UBE2E1: variants seen among roughly 807,000 people sequenced by gnomAD.
UBE2E1 encodes the protein ubiquitin conjugating enzyme E2 E1, also known as ubiquitin-conjugating enzyme E2 E1.
A neutral mutation model predicts 21.4 loss-of-function variants in UBE2E1; 6 were observed. The ratio of observed to expected loss-of-function variants is 0.28; its 90% CI spans 0.15 to 0.55. UBE2E1 has a LOEUF of 0.55. UBE2E1 is among the 20% of genes least tolerant of loss of function. The probability of loss-of-function intolerance (pLI) is 0.93; values close to 1 mark genes in which losing one functional copy is unlikely to be tolerated. For missense variants in UBE2E1, 142 were observed against 236.5 expected (o/e 0.60, Z 2.62); for synonymous variants, 87 against 82.7 (o/e 1.05, Z -0.28).
At chr3:23,811,133 G>T in intron 2 of UBE2E1, 1 of 375,534 alleles carries the variant, frequency 2.7e-6, no homozygotes. Flanking sequence ...GCAGGGGAGG[G>T]ACTGAGGAAA....
intron 3 of UBE2E1, among the ~76,000 whole-genome samples, chr3:23,843,138 T>C (rs1331994074): frequency 6.6e-6 from 1 of 152,040 alleles, no homozygotes; most frequent in East Asian, 1.9e-4. Flanking sequence ...AAATGGACTT[T>C]CTTTGGGAAG....
rs556053517 is a variant in UBE2E1, at chr3:23,849,692, C to T, written c.204-37875C>T. Reference sequence around the variant, plus strand: ...TTGCTGCAAATAACATGAACTGATTCTTTTTTATGGCTGCATAGTATTCCA... The same window carrying T: ...TTGCTGCAAATAACATGAACTGATTTTTTTTTATGGCTGCATAGTATTCCA... On this transcript the variant is annotated intron_variant, in intron 3 of 5. Transcript: ENST00000306627. 2.1e-4 allele frequency among the ~76,000 whole-genome samples: 32 copies of T among 152,264 alleles called. No homozygotes were observed. The South Asian group carries it at 6.4e-3, about 31-fold the overall frequency.
intron 3 of UBE2E1, among the ~76,000 whole-genome samples, chr3:23,845,613 G>GTGTGTGTGTGTA (rs1413363695): frequency 3.3e-5 from 5 of 150,944 alleles, no homozygotes; most frequent in African/African-American, 9.7e-5. Flanking sequence ...GTGTGTGTGT[G>GTGTGTGTGTGTA]TGTATGTGTG....
In UBE2E1 at chr3:23,890,677, A is replaced by AAT; in HGVS notation, c.*71_*72insAT. On this transcript the variant is annotated 3_prime_UTR_variant, in exon 6 of 6. Transcript: ENST00000306627. ...AGCTGCTTATGATTTTGAAGGGGTC[A>AAT]GGGAGGGTGGGAGTTGGTAAAGAGT... is the stretch of plus-strand genomic sequence containing the variant. 1.5e-6 allele frequency: 1 copy of AAT among 648,466 alleles called. No homozygotes were observed. The highest frequency in any genetic ancestry group is 2.6e-6 in the Non-Finnish European group (1 of 386,370). 40.2% of individuals were successfully genotyped at this position (648,466 alleles called of 1,614,324 possible).
intron 5 of UBE2E1, 75 bp from the exon 6 acceptor site, chr3:23,890,434 C>T: frequency 7.0e-7 from 1 of 1,429,564 alleles, no homozygotes; most frequent in Admixed American, 1.9e-5. Flanking sequence ...CGTATCTACC[C>T]AAGCTGTCAC....
At position 23,811,453 on chromosome 3, in the gene UBE2E1, A is replaced by T. The variant is rs897700625; in HGVS notation, c.153-7A>T. On this transcript the variant is annotated splice_region_variant and splice_polypyrimidine_tract_variant and intron_variant, in intron 2 of 5. Transcript: ENST00000306627. Reference sequence around the variant, plus strand: ...TGTGTTTGTCTTTCCCATTTCTCCCACTCCAGAATTCAGAAGGAGCTGGCG... The same window carrying T: ...TGTGTTTGTCTTTCCCATTTCTCCCTCTCCAGAATTCAGAAGGAGCTGGCG... The T allele has an allele frequency of 6.2e-7, 1 of 1,613,324 alleles. No individual in the cohort carries two copies. The highest frequency in any genetic ancestry group is 1.7e-5 in the Admixed American group (1 of 59,958).
chr3:23,817,292 C>T (rs953357421), intron 3 of UBE2E1, among the ~76,000 whole-genome samples: 4 of 151,832 alleles, frequency 2.6e-5, no homozygotes, highest in East Asian at 3.9e-4. Context: ...CGTGGTGACG[C>T]GCGCCCGTAA....
In UBE2E1 at chr3:23,887,811, A is replaced by C. The variant is rs1701221970; in HGVS notation, c.336+112A>C. The C allele has an allele frequency of 2.2e-6, 3 of 1,372,078 alleles. No homozygotes were observed. The highest frequency in any genetic ancestry group is 5.2e-5 in the Admixed American group (2 of 38,562). The allele number at this position is 1,372,078 out of a possible 1,614,324, so 85.0% of individuals were successfully genotyped here. ...AGAAACTAGATTTATCTTATGTCCT[A>C]ATAGATCTGAGTATTTTAACATATA... On this transcript the variant is annotated intron_variant, in intron 4 of 5. Transcript: ENST00000306627. The surrounding 1 kb of genome is among the most constrained non-coding windows in gnomAD (Gnocchi z 4.4).
intron 3 of UBE2E1, among the ~76,000 whole-genome samples, chr3:23,819,346 A>C (rs1699596271): frequency 6.6e-6 from 1 of 152,206 alleles, no homozygotes; most frequent in Non-Finnish European, 1.5e-5. Context: ...TTTATAACAT[A>C]ATTGTAGAGA....
At chr3:23,872,120 C>T (rs1270727718) in intron 3 of UBE2E1, among the ~76,000 whole-genome samples, 1 of 152,174 alleles carries the variant, frequency 6.6e-6, no homozygotes, top group Non-Finnish European at 1.5e-5. Flanking sequence ...TCTGCAATCC[C>T]GGCACCTCGG....
chr3:23,885,881 AAAAC>A (rs986390779), intron 3 of UBE2E1, among the ~76,000 whole-genome samples: 30 of 151,442 alleles, frequency 2.0e-4, no homozygotes, highest in Non-Finnish European at 2.5e-4. Flanking sequence ...CAAAAAAAAC[AAAAC>A]AAACAAAAAA....
rs1700765670 is a variant in UBE2E1 at position 23,870,728 on chromosome 3, G to T, written c.204-16839G>T. 6.6e-6 allele frequency among the ~76,000 whole-genome samples: 1 copy of T among 151,704 alleles called. No individual in the cohort carries two copies. The highest frequency in any genetic ancestry group is 2.4e-5 in the African/African-American group (1 of 41,234). On this transcript the variant is annotated intron_variant, in intron 3 of 5. Transcript: ENST00000306627. The surrounding 1 kb of genome is among the most constrained non-coding windows in gnomAD (Gnocchi z 4.2). ...CATTCTTGGGTGTTTCTCGCAGAGG[G>T]GTATTTGGCAGGGTCATAGGACAAT...
intron 3 of UBE2E1, among the ~76,000 whole-genome samples, chr3:23,886,508 C>G: frequency 6.6e-6 from 1 of 152,282 alleles, no homozygotes; most frequent in East Asian, 1.9e-4. Flanking sequence ...AACTTGTATT[C>G]TCCTCTGCTT....
intron 3 of UBE2E1, among the ~76,000 whole-genome samples, chr3:23,854,419 G>A (rs776119817): frequency 3.9e-5 from 6 of 152,120 alleles, no homozygotes; most frequent in Non-Finnish European, 7.4e-5. Context: ...TATGTGGAGA[G>A]CCAGTCTCAA....
chr3:23,835,313 T>TA (rs1699954024), intron 3 of UBE2E1, among the ~76,000 whole-genome samples: 1 of 151,956 alleles, frequency 6.6e-6, no homozygotes, highest in African/African-American at 2.4e-5. Flanking sequence ...ACAAAAAATT[T>TA]AAAAATTAGC....
chr3:23,865,432 C>T (rs1700635779), intron 3 of UBE2E1, among the ~76,000 whole-genome samples: 1 of 152,180 alleles, frequency 6.6e-6, no homozygotes. Context: ...CGGCTCACTG[C>T]AGCCTCAACT....
At chr3:23,859,753 G>A (rs1455966800) in intron 3 of UBE2E1, among the ~76,000 whole-genome samples, 1 of 152,204 alleles carries the variant, frequency 6.6e-6, no homozygotes, top group Non-Finnish European at 1.5e-5. Context: ...AGTTCATTGA[G>A]GGTAAACTGT....
intron 3 of UBE2E1, among the ~76,000 whole-genome samples, chr3:23,855,843 T>A (rs1373307711): frequency 1.3e-5 from 2 of 151,184 alleles, no homozygotes; most frequent in Non-Finnish European, 2.9e-5. Context: ...AAAATAAAAA[T>A]AAAAAATAAA....
intron 3 of UBE2E1, among the ~76,000 whole-genome samples, chr3:23,855,831 AAAAAAT>A (rs1283443730): frequency 5.3e-5 from 8 of 152,090 alleles, no homozygotes; most frequent in Admixed American, 4.6e-4. Flanking sequence ...CTCCGTCTCA[AAAAAAT>A]AAAAATAAAA....
Sources: gnomAD v4.1 joint callset for allele counts (sites outside exome capture counted in the v4.1 genomes callset) on GRCh38, gnomAD v4.1.1 for gene constraint, Gnocchi (gnomAD v3.1) non-coding constraint, MANE v1.5 for transcripts, NCBI Gene and HGNC (gene_info 2026-07-23, HGNC 2026-07-21) for gene names.